The following MOGAT1 variants were observed in gnomAD, a reference collection of about 807,000 sequenced individuals.
MOGAT1 encodes the protein 2-acylglycerol O-acyltransferase 1.
A neutral mutation model predicts 31.4 loss-of-function variants in MOGAT1; 32 were observed. That is an observed-to-expected ratio of 1.02 (90% confidence interval 0.77 to 1.37). The LOEUF (loss-of-function observed/expected upper bound fraction) is 1.37. Ranked by LOEUF, MOGAT1 falls within the 40% of genes most tolerant of loss-of-function variation. MOGAT1 has a pLI of 0.00. For synonymous variants in MOGAT1, 145 were observed against 144.5 expected (o/e 1.00, Z -0.03); for missense variants, 426 against 402.0 (o/e 1.06, Z -0.51).
At chr2:222,707,548 A>T (rs1055933166) in intron 5 of MOGAT1, among the ~76,000 whole-genome samples, 3 of 150,934 alleles carry the variant, frequency 2.0e-5, no homozygotes, top group African/African-American at 7.3e-5. Context: ...TTTTTGTGCA[A>T]CTCCCGCTCC....
rs561098715 is a variant in MOGAT1 at position 222,690,316 on chromosome 2, T to C, written c.478+847T>C. Among the ~76,000 whole-genome samples, 3 of 152,120 alleles carry C rather than the reference T, an allele frequency of 2.0e-5. No individual in the cohort carries two copies. In the South Asian group the frequency reaches 6.2e-4, roughly 32 times the overall value. On this transcript the variant is annotated intron_variant, in intron 3 of 5. Transcript: ENST00000446656. ...ACTCACACCTGTTATCTCAGCACTTTGGGAGGCCGAGGTGGGGTGAATCAC... is the reference window on the plus strand; with the variant it reads ...ACTCACACCTGTTATCTCAGCACTTCGGGAGGCCGAGGTGGGGTGAATCAC...
At chr2:222,678,958 T>A (rs1692540775) in intron 1 of MOGAT1, among the ~76,000 whole-genome samples, 1 of 152,142 alleles carries the variant, frequency 6.6e-6, no homozygotes, top group Admixed American at 6.5e-5. Flanking sequence ...AAAAAAAAGT[T>A]CTTTGCTTAA....
chr2:222,699,490 C>CTTTTTTTTTTT (rs1159264071), intron 5 of MOGAT1: 4 of 77,682 alleles, frequency 5.1e-5, no homozygotes, highest in Non-Finnish European at 6.9e-5. Context: ...GGAGATATTT[C>CTTTTTTTTTTT]TTTTTTTTTT....
In MOGAT1 at chr2:222,688,403, A is replaced by G; in HGVS notation, c.154A>G (p.Ile52Val). The G allele has an allele frequency of 6.2e-7, 1 of 1,613,514 alleles. No homozygotes were observed. Among genetic ancestry groups the G allele is most frequent in the Admixed American group, 1.7e-5 (1 of 59,940 alleles). ...CATACACAACTATTTGTTCCTTTAC[A>G]TCCCTTATTTGATGTGGCTTTACTT... ...LIIHNYLFLY[I>V]PYLMWLYFDW... The change falls in exon 2 of 6, where the codon ATC (isoleucine) becomes GTC (valine). Residue 52 changes from isoleucine to valine, a missense_variant. Coordinates refer to ENST00000446656, the MANE Select transcript of MOGAT1 (RefSeq NM_058165.3).
At chr2:222,706,298 C>G (rs1559235257) in intron 5 of MOGAT1, among the ~76,000 whole-genome samples, 2 of 152,008 alleles carry the variant, frequency 1.3e-5, no homozygotes, top group African/African-American at 4.8e-5. Flanking sequence ...CATGACGAAA[C>G]TCTGTCTCTA....
At chr2:222,704,084 A>G (rs1389542548) in intron 5 of MOGAT1, among the ~76,000 whole-genome samples, 1 of 152,202 alleles carries the variant, frequency 6.6e-6, no homozygotes, top group Non-Finnish European at 1.5e-5. Flanking sequence ...TGAAACATAA[A>G]CAAAAGCTAT....
intron 5 of MOGAT1, among the ~76,000 whole-genome samples, chr2:222,707,397 GAGGGAGGGA>G (rs145884044): frequency 0.035 from 5,278 of 149,428 alleles, 181 homozygotes; most frequent in African/African-American, 0.088. Flanking sequence ...AAAAGAGAAA[GAGGGAGGGA>G]AGGGAGGGAA....
intron 3 of MOGAT1, among the ~76,000 whole-genome samples, chr2:222,693,104 A>G (rs922896861): frequency 3.3e-5 from 5 of 152,254 alleles, no homozygotes; most frequent in Non-Finnish European, 7.3e-5. Flanking sequence ...GAGATATGCT[A>G]TGTCTTTATA....
At chr2:222,685,760 C>T (rs1692655485) in intron 1 of MOGAT1, among the ~76,000 whole-genome samples, 1 of 151,788 alleles carries the variant, frequency 6.6e-6, no homozygotes, top group Non-Finnish European at 1.5e-5. Flanking sequence ...ACCACCACAC[C>T]CCACCAATTT....
In MOGAT1 at chr2:222,704,989, T is replaced by C. The variant is rs145598601; in HGVS notation, c.854-4747T>C. Reference sequence around the variant, plus strand: ...CAAGTCCATAAAATGAAAGCAAGTTTATTAGGAAAGTAAAGGAATAAAAGA... The same window carrying C: ...CAAGTCCATAAAATGAAAGCAAGTTCATTAGGAAAGTAAAGGAATAAAAGA... On this transcript the variant is annotated intron_variant, in intron 5 of 5. Coordinates refer to ENST00000446656, the MANE Select transcript of MOGAT1 (RefSeq NM_058165.3). Among the ~76,000 whole-genome samples the C allele has an allele frequency of 4.4e-3, 671 of 152,252 alleles. 3 individuals are homozygous for C. The highest frequency in any genetic ancestry group is 0.015 in the African/African-American group (619 of 41,548).
At chr2:222,689,244 C>T in intron 2 of MOGAT1, 21 bp from the exon 3 acceptor site, 1 of 1,555,494 alleles carries the variant, frequency 6.4e-7, no homozygotes, top group Admixed American at 2.1e-5. Flanking sequence ...TTTTTAAAAT[C>T]TCAATATGAA....
intron 1 of MOGAT1, among the ~76,000 whole-genome samples, chr2:222,679,035 A>G (rs1229447291): frequency 1.3e-5 from 2 of 152,220 alleles, no homozygotes; most frequent in African/African-American, 2.4e-5. Context: ...GGTTTTCCAT[A>G]TAGATCTATG....
At chr2:222,706,490 C>A (rs1421232389) in intron 5 of MOGAT1, among the ~76,000 whole-genome samples, 1 of 111,108 alleles carries the variant, frequency 9.0e-6, no homozygotes, top group African/African-American at 3.5e-5. Context: ...AAAAAAAATT[C>A]ATTCCATATG....
chr2:222,687,113 CAAAAAAAAAAAAAA>C (rs1177781176), intron 1 of MOGAT1, among the ~76,000 whole-genome samples: 1 of 22,452 alleles, frequency 4.5e-5, no homozygotes, highest in Non-Finnish European at 8.4e-5. Context: ...GACTCCATCT[CAAAAAAAAAAAAAA>C]AAAAAAAAAA....
At chr2:222,701,537 A>AAGGG (rs1692925054) in intron 5 of MOGAT1, among the ~76,000 whole-genome samples, 1 of 142,396 alleles carries the variant, frequency 7.0e-6, no homozygotes, top group Admixed American at 7.2e-5. Context: ...AAGAAAGAGA[A>AAGGG]AGAAAAAAGA....
rs555730876 is a variant in MOGAT1, at chr2:222,705,415, G to A, written c.854-4321G>A. 5.3e-5 allele frequency among the ~76,000 whole-genome samples: 8 copies of A among 152,270 alleles called. No homozygotes were observed. The South Asian group carries it at 1.0e-3, about 20-fold the overall frequency. On this transcript the variant is annotated intron_variant, in intron 5 of 5. Coordinates refer to ENST00000446656, the MANE Select transcript of MOGAT1 (RefSeq NM_058165.3). Reference sequence around the variant, plus strand: ...GAGTTGCACTGATTCCAGTGCCTCCGACAATAGGGCTAGGATTTGAAGCAA... The same window carrying A: ...GAGTTGCACTGATTCCAGTGCCTCCAACAATAGGGCTAGGATTTGAAGCAA...
rs773471420 is a variant in MOGAT1, at chr2:222,688,326, C to CT, written c.95-13dup. 12 of 1,590,520 alleles carry CT rather than the reference C, an allele frequency of 7.5e-6. No homozygotes were observed. The African/African-American group carries it at 1.6e-4, about 21-fold the overall frequency. On this transcript the variant is annotated splice_polypyrimidine_tract_variant and intron_variant, in intron 1 of 5. Coordinates refer to ENST00000446656, the MANE Select transcript of MOGAT1 (RefSeq NM_058165.3). ...ATACTAACAGACTGATTCCATGAGA[C>CT]TTTTTCTTTTCTTACAGGGCCGATG...
chr2:222,688,726 T>C (rs545349118), intron 2 of MOGAT1, among the ~76,000 whole-genome samples: 1 of 152,164 alleles, frequency 6.6e-6, no homozygotes, highest in Non-Finnish European at 1.5e-5. Flanking sequence ...TCTGGCAAGA[T>C]ACCAAAGATG....
rs369438404 is a variant in MOGAT1 at position 222,709,816 on chromosome 2, G to C, written c.934G>C (p.Glu312Gln). ...GGAGTTACATCAGACCTATATGGAG[G>C]AACTTAGGAAATTGTTTGAGGAACA... ...IEELHQTYME[E>Q]LRKLFEEHKG... Residue 312 changes from glutamate (E) to glutamine (Q), a missense_variant, in exon 6 of 6, where the codon GAA becomes CAA. Glu to Gln is a conservative substitution (Grantham distance 29). Coordinates refer to ENST00000446656, the MANE Select transcript of MOGAT1 (RefSeq NM_058165.3). The C allele has an allele frequency of 3.2e-5, 51 of 1,613,414 alleles. No individual in the cohort carries two copies. Among genetic ancestry groups the C allele is most frequent in the African/African-American group, 4.0e-5 (3 of 74,862 alleles).
Sources: gnomAD v4.1 joint callset for allele counts (sites outside exome capture counted in the v4.1 genomes callset) on GRCh38, gnomAD v4.1.1 for gene constraint, MANE v1.5 for transcripts, NCBI Gene and HGNC (gene_info 2026-07-23, HGNC 2026-07-21) for gene names.